Variants in SLC25A35 observed in about 807,000 individuals in gnomAD.
SLC25A35 encodes the protein solute carrier family 25 member 35, also known as solute carrier family 25, member 35.
Under a neutral mutation model 30.5 loss-of-function variants are expected in SLC25A35, and 32 were observed. That is an observed-to-expected ratio of 1.05 (90% CI 0.79 to 1.41). The LOEUF is 1.41. SLC25A35 is among the 40% of genes most tolerant of loss of function. The pLI is 0.00. For synonymous variants in SLC25A35, 142 were observed against 158.1 expected, an observed-to-expected ratio of 0.90 and a Z score of 0.77; for missense variants, 369 against 388.0, an observed-to-expected ratio of 0.95 and a Z score of 0.41.
In SLC25A35 at chr17:8,291,502, C is replaced by T. The variant is rs372215328; in HGVS notation, c.442-17G>A. 4.3e-4 allele frequency: 683 copies of T among 1,599,524 alleles called. 1 individual carries two copies. Among genetic ancestry groups the T allele is most frequent in the Admixed American group, 5.9e-4 (34 of 57,722 alleles). On this transcript the variant is annotated splice_polypyrimidine_tract_variant and intron_variant, in intron 2 of 4. Coordinates refer to ENST00000577745, the MANE Select transcript of SLC25A35 (RefSeq NM_001320870.2). ...AAACATGCCCTAGTGTGGGGAAGAC[C>T]GGGGGTGGGGTTCAGACAGCCCAGC...
intron 1 of SLC25A35, among the ~76,000 whole-genome samples, chr17:8,293,071 C>G (rs927523733): frequency 2.6e-4 from 39 of 152,314 alleles, no homozygotes; most frequent in African/African-American, 8.2e-4. Flanking sequence ...AAACTCACAC[C>G]TTGAAATGAG....
chr17:8,288,804 G>A, downstream of SLC25A35: 1 of 1,614,166 alleles, frequency 6.2e-7, no homozygotes, highest in East Asian at 2.2e-5. Context: ...GCCCACGAGA[G>A]ACTGCCCGCT....
intron 1 of SLC25A35, among the ~76,000 whole-genome samples, chr17:8,293,973 T>A (rs1331047986): frequency 2.8e-5 from 4 of 144,926 alleles, no homozygotes; most frequent in Non-Finnish European, 6.0e-5. Flanking sequence ...TGGAGTGCAG[T>A]GACCGGATCT....
At chr17:8,289,978 C>A (rs1438775555), downstream of SLC25A35, 1 of 1,612,908 alleles carries the variant, frequency 6.2e-7, no homozygotes, top group Admixed American at 1.7e-5. Context: ...AACTTGGGGA[C>A]TCGGTTCTGT....
intron 2 of SLC25A35, among the ~76,000 whole-genome samples, 186 bp downstream of exon 2, chr17:8,292,337 C>T (rs1597447835): frequency 1.3e-5 from 2 of 152,266 alleles, no homozygotes; most frequent in Middle Eastern, 3.4e-3. Flanking sequence ...TCAGCCTGGG[C>T]AACAGAGCGA....
intron 1 of SLC25A35, among the ~76,000 whole-genome samples, chr17:8,292,914 C>G (rs771006892): frequency 6.6e-6 from 1 of 152,072 alleles, no homozygotes; most frequent in Admixed American, 6.6e-5. Flanking sequence ...CCTGGTGTCC[C>G]GCCTCTCATG....
Position 8,294,993 on chromosome 17 carries a change from G to T in SLC25A35, c.-186C>A. The T allele has an allele frequency of 7.1e-7, 1 of 1,399,966 alleles. No individual in the cohort carries two copies. Among genetic ancestry groups the T allele is most frequent in the Non-Finnish European group, 9.2e-7 (1 of 1,081,758 alleles). The allele number at this position is 1,399,966 out of a possible 1,614,324, so 86.7% of individuals were successfully genotyped here. A position where few individuals can be genotyped will look rare whatever the true frequency, so the allele number is the denominator to read the frequency against. On this transcript the variant is annotated 5_prime_UTR_variant, in exon 1 of 5. Coordinates refer to ENST00000577745, the MANE Select transcript of SLC25A35 (RefSeq NM_001320870.2). ...GTGGTCAAACGTCAGCTGGAATTTG[G>T]GAGTCAAGAGCTGGCAAGCAGGGAA... is the stretch of plus-strand genomic sequence containing the variant.
At chr17:8,288,575 C>G, downstream of SLC25A35, 1 of 628,824 alleles carries the variant, frequency 1.6e-6, no homozygotes, top group Non-Finnish European at 2.8e-6. Context: ...CCTAAGAGCG[C>G]GGCTTCCGGA....
chr17:8,295,381 G>C lies in SLC25A35; in HGVS notation c.-574C>G, dbSNP rs944873661. 1 of 985,100 alleles carries C rather than the reference G, an allele frequency of 1.0e-6. No individual in the cohort carries two copies. Among genetic ancestry groups the C allele is most frequent in the African/African-American group, 1.7e-5 (1 of 57,230 alleles). The allele number at this position is 985,100 out of a possible 1,614,324, so 61.0% of individuals were successfully genotyped here. On this transcript the variant is annotated 5_prime_UTR_variant, in exon 1 of 5. Coordinates refer to ENST00000577745, the MANE Select transcript of SLC25A35 (RefSeq NM_001320870.2). ...ACCCCGGGTAGCCTGCGGAGGCCGG[G>C]CCGCCACACTCCTGCCACTGGAGCG...
At chr17:8,291,176 A>C (rs1990467818) in intron 3 of SLC25A35, among the ~76,000 whole-genome samples, 157 bp downstream of exon 3, 1 of 152,148 alleles carries the variant, frequency 6.6e-6, no homozygotes, top group Admixed American at 6.5e-5. Flanking sequence ...AGGAAGTGAC[A>C]AGAGAACTGT....
At chr17:8,289,471 C>G, downstream of SLC25A35, 8 of 1,614,182 alleles carry the variant, frequency 5.0e-6, no homozygotes, top group Non-Finnish European at 6.8e-6. Flanking sequence ...ACGCAGAGAT[C>G]CAGGTAAGCA....
At chr17:8,292,974 C>T (rs536607055) in intron 1 of SLC25A35, among the ~76,000 whole-genome samples, 1 of 152,190 alleles carries the variant, frequency 6.6e-6, no homozygotes, top group Non-Finnish European at 1.5e-5. Context: ...CTATCAGGCT[C>T]CCCATCAGAC....
chr17:8,288,435 GTCAATCAATCAA>G (rs138372313), downstream of SLC25A35: 5 of 377,752 alleles, frequency 1.3e-5, no homozygotes, highest in African/African-American at 6.2e-5. Context: ...AGCGAGACCT[GTCAATCAATCAA>G]TCAATCAATC....
downstream of SLC25A35, chr17:8,288,975 G>T (rs2151608419): frequency 6.2e-7 from 1 of 1,614,154 alleles, no homozygotes; most frequent in Non-Finnish European, 8.5e-7. Flanking sequence ...ACCGGTCCCG[G>T]ACAATCAAGA....
At position 8,293,563 on chromosome 17, in the gene SLC25A35, T is replaced by G. The variant is rs1301751500; in HGVS notation, c.375+870A>C. On this transcript the variant is annotated intron_variant, in intron 1 of 4. Coordinates refer to ENST00000577745, the MANE Select transcript of SLC25A35 (RefSeq NM_001320870.2). ...ATTTTCTTTCTTTTCTTTTTTTTTT[T>G]TTTTTTGAGACGGAGTCTCTCTCTC... 1.1e-4 allele frequency among the ~76,000 whole-genome samples: 17 copies of G among 151,054 alleles called. No homozygotes were observed. In the East Asian group the frequency reaches 3.1e-3, roughly 27 times the overall value.
chr17:8,291,058 CAG>C, intron 3 of SLC25A35, 82 bp from the exon 4 acceptor site: 1 of 1,554,596 alleles, frequency 6.4e-7, no homozygotes, highest in Non-Finnish European at 8.8e-7. Context: ...CCTGGGGACA[CAG>C]ATGCTGGTAA....
At chr17:8,289,623 T>G (rs774248020), downstream of SLC25A35, 1 of 1,608,154 alleles carries the variant, frequency 6.2e-7, no homozygotes, top group Non-Finnish European at 8.5e-7. Flanking sequence ...ATCTCATGAC[T>G]GGGTTCCCAG....
Position 8,290,482 on chromosome 17 carries a change from G to T in SLC25A35, c.*23C>A. The T allele has an allele frequency of 6.5e-7, 1 of 1,534,304 alleles. No individual in the cohort carries two copies. Among genetic ancestry groups the T allele is most frequent in the South Asian group, 1.2e-5 (1 of 83,884 alleles). On this transcript the variant is annotated 3_prime_UTR_variant, in exon 5 of 5. Transcript: ENST00000577745. ...ACAAGTGGCCAAGGAGTGCTCATTT[G>T]GTGGAGACTGGGAAAGCGGCTGTTA...
At position 8,291,462 on chromosome 17, in the gene SLC25A35, C is replaced by A; in HGVS notation, c.465G>T (p.Glu155Asp). 1 of 1,614,102 alleles carries A rather than the reference C, an allele frequency of 6.2e-7. No homozygotes were observed. Among genetic ancestry groups the A allele is most frequent in the Non-Finnish European group, 8.5e-7 (1 of 1,179,994 alleles). The change falls in exon 3 of 5, where the codon GAG becomes GAT. Residue 155 changes from glutamate to aspartate, a missense_variant. Glu to Asp is a conservative substitution (Grantham distance 45, BLOSUM62 2). Coordinates refer to ENST00000577745, the MANE Select transcript of SLC25A35 (RefSeq NM_001320870.2). ...CCACCAGACCATGTTTCTGGCCAAT[C>A]TCGGTTAGCGCCTGAAACATGCCCT... ...KHQGMFQALT[E>D]IGQKHGLVGL...
Sources: allele counts gnomAD v4.1 joint callset (sites outside exome capture counted in the v4.1 genomes callset), GRCh38; gene constraint gnomAD v4.1.1; transcripts MANE v1.5; gene names NCBI Gene and HGNC (gene_info 2026-07-23, HGNC 2026-07-21).